The following POLR3B variants were observed in gnomAD, a reference collection of about 807,000 sequenced individuals.
POLR3B encodes DNA-directed RNA polymerase III subunit RPC2.
A neutral mutation model predicts 147.4 loss-of-function variants in POLR3B; 96 were observed. That is an observed-to-expected ratio of 0.65 (90% confidence interval 0.55 to 0.77). POLR3B has a LOEUF of 0.77. POLR3B is among the 30% of genes least tolerant of loss of function. The pLI, the probability that POLR3B is intolerant of heterozygous loss-of-function variation, is 0.00. For missense variants in POLR3B, 1,036 were observed against 1,413.5 expected, an observed-to-expected ratio of 0.73 and a Z score of 4.28; for synonymous variants, 461 against 485.9, an observed-to-expected ratio of 0.95 and a Z score of 0.67.
At chr12:106,446,173 A>T (rs2037720204) in intron 19 of POLR3B, 2 of 454,028 alleles carry the variant, frequency 4.4e-6, no homozygotes, top group South Asian at 3.1e-5. Flanking sequence ...TATCACTTCT[A>T]TTGGGTTTAC....
chr12:106,366,234 A>T (rs925047025), intron 2 of POLR3B, among the ~76,000 whole-genome samples: 2 of 152,346 alleles, frequency 1.3e-5, no homozygotes, highest in South Asian at 4.1e-4. Flanking sequence ...ACATGACCAT[A>T]TATTCATGTA....
At chr12:106,398,226 C>T (rs191307242) in intron 10 of POLR3B, among the ~76,000 whole-genome samples, 45 of 152,344 alleles carry the variant, frequency 3.0e-4, no homozygotes, top group African/African-American at 9.4e-4. Flanking sequence ...CACGGAGTCT[C>T]GCTCATTGCT....
At chr12:106,380,865 G>C (rs1451302643) in intron 9 of POLR3B, among the ~76,000 whole-genome samples, 1 of 152,206 alleles carries the variant, frequency 6.6e-6, no homozygotes, top group Non-Finnish European at 1.5e-5. Flanking sequence ...ATACTTCGGA[G>C]ATATTGCTGG....
rs1186338529 is a variant in POLR3B at position 106,369,258 on chromosome 12, A to G, written c.228-17A>G. 5 of 1,393,640 alleles carry G rather than the reference A, an allele frequency of 3.6e-6. No individual in the cohort carries two copies. The highest frequency in any genetic ancestry group is 5.1e-6 in the Non-Finnish European group (5 of 979,192). The allele number at this position is 1,393,640 out of a possible 1,614,324, so 86.3% of individuals were successfully genotyped here. On this transcript the variant is annotated splice_polypyrimidine_tract_variant and intron_variant, in intron 4 of 27. Coordinates refer to ENST00000228347, the MANE Select transcript of POLR3B (RefSeq NM_018082.6). ...TTCGAAGAAGTATAATTCATACCGC[A>G]CTAATTTGCTTTTCAGATATCTTAA... is the stretch of plus-strand genomic sequence containing the variant.
intron 21 of POLR3B, 54 bp downstream of exon 21, chr12:106,457,350 T>C: frequency 7.0e-7 from 1 of 1,430,750 alleles, no homozygotes; most frequent in Non-Finnish European, 9.8e-7. Flanking sequence ...CATATGTTAT[T>C]CAATAATATT....
intron 9 of POLR3B, among the ~76,000 whole-genome samples, chr12:106,383,919 G>A (rs1435997542): frequency 3.3e-5 from 5 of 151,426 alleles, no homozygotes; most frequent in African/African-American, 1.2e-4. Context: ...TGGAGGTTGC[G>A]GTGAGCCGAG....
In POLR3B at chr12:106,411,742, A is replaced by G. The variant is rs148514022; in HGVS notation, c.1101+782A>G. ...ACATGGTAGAGGTAGGTTAGTGAGG[A>G]TATCTCTAATCTCATTTTAAGTCTT... is the stretch of plus-strand genomic sequence containing the variant. On this transcript the variant is annotated intron_variant, in intron 12 of 27. Transcript: ENST00000228347. Among the ~76,000 whole-genome samples, 179 of 152,282 alleles carry G rather than the reference A, an allele frequency of 1.2e-3. 1 individual carries two copies. The highest frequency in any genetic ancestry group is 6.8e-3 in the Middle Eastern group (2 of 294).
chr12:106,413,789 A>C (rs1451399029), intron 12 of POLR3B, among the ~76,000 whole-genome samples: 1 of 150,960 alleles, frequency 6.6e-6, no homozygotes, highest in Non-Finnish European at 1.5e-5. Context: ...TTTTTCTATT[A>C]TCTTTGTTCC....
At chr12:106,433,607 G>A (rs2037537839) in intron 15 of POLR3B, 112 bp from the exon 16 acceptor site, 1 of 816,634 alleles carries the variant, frequency 1.2e-6, no homozygotes, top group Non-Finnish European at 1.9e-6. Context: ...GTTAATAATG[G>A]TATTTTCAAA....
At chr12:106,474,571 A>ACTT (rs2038137752) in intron 23 of POLR3B, among the ~76,000 whole-genome samples, 1 of 145,770 alleles carries the variant, frequency 6.9e-6, no homozygotes, top group Admixed American at 6.9e-5. Context: ...CAGAGATTCA[A>ACTT]CTTCTTCCTG....
At chr12:106,480,023 T>A (rs1037541864) in intron 23 of POLR3B, among the ~76,000 whole-genome samples, 20 of 151,016 alleles carry the variant, frequency 1.3e-4, no homozygotes, top group Non-Finnish European at 2.5e-4. Flanking sequence ...CTTTTTTTAT[T>A]ATTATTATTT....
Position 106,469,663 on chromosome 12 carries a change from A to G in POLR3B, c.2713+6043A>G, listed in dbSNP as rs183214783. Reference sequence around the variant, plus strand: ...AGGCCTGGTGGTGACAAAATGTCTCAGCATTTGTTTGTCTGTAAAGGATTT... The same window carrying G: ...AGGCCTGGTGGTGACAAAATGTCTCGGCATTTGTTTGTCTGTAAAGGATTT... On this transcript the variant is annotated intron_variant, in intron 23 of 27. Coordinates refer to ENST00000228347, the MANE Select transcript of POLR3B (RefSeq NM_018082.6). Among the ~76,000 whole-genome samples the G allele has an allele frequency of 2.6e-5, 4 of 152,270 alleles. No homozygotes were observed. The East Asian group carries it at 7.7e-4, about 29-fold the overall frequency.
chr12:106,407,642 C>A (rs751306116), intron 11 of POLR3B, among the ~76,000 whole-genome samples: 3 of 152,024 alleles, frequency 2.0e-5, no homozygotes, highest in African/African-American at 4.8e-5. Flanking sequence ...CCAGCCTGAC[C>A]AATATGGAGA....
rs2038661517 is a variant in POLR3B, at chr12:106,504,873, C to T, written c.3272+619C>T. ...GCTAAGTGTCAGACACTGTTCTAGG[C>T]CCTAGAAATGCAGCAGTGAACAAGA... On this transcript the variant is annotated intron_variant, in intron 27 of 27. Transcript: ENST00000228347. This position sits in a 1 kb window ranked among gnomAD's most constrained non-coding sequence, Gnocchi z 4.6. Among the ~76,000 whole-genome samples the T allele has an allele frequency of 1.3e-5, 2 of 152,172 alleles. No individual in the cohort carries two copies. Among genetic ancestry groups the T allele is most frequent in the African/African-American group, 2.4e-5 (1 of 41,438 alleles).
Position 106,509,518 on chromosome 12 carries a change from C to A in POLR3B, c.3371C>A (p.Pro1124His). ...FQELQSMNII[P>H]RLKLSKYNE ...GAACTACAGTCTATGAACATCATCC[C>A]CAGGTTAAAACTGTCCAAGTACAAT... Residue 1124 changes from proline (P) to histidine (H), a missense_variant, in exon 28 of 28, where the codon CCC (proline) becomes CAC (histidine). Coordinates refer to ENST00000228347, the MANE Select transcript of POLR3B (RefSeq NM_018082.6). 1 of 1,613,042 alleles carries A rather than the reference C, an allele frequency of 6.2e-7. No individual in the cohort carries two copies. Among genetic ancestry groups the A allele is most frequent in the Non-Finnish European group, 8.5e-7 (1 of 1,179,126 alleles).
chr12:106,416,575 G>T (rs1307109118), intron 12 of POLR3B, among the ~76,000 whole-genome samples: 1 of 152,170 alleles, frequency 6.6e-6, no homozygotes, highest in Non-Finnish European at 1.5e-5. Flanking sequence ...GCAGACCTGA[G>T]CTTCAGATGT....
chr12:106,413,747 G>T (rs1229961387), intron 12 of POLR3B, among the ~76,000 whole-genome samples: 3 of 151,810 alleles, frequency 2.0e-5, no homozygotes, highest in Non-Finnish European at 4.4e-5. Flanking sequence ...ATCTCTTCAA[G>T]TGTTGCCTAT....
chr12:106,401,633 C>A (rs113672292), intron 10 of POLR3B, among the ~76,000 whole-genome samples: 1 of 152,170 alleles, frequency 6.6e-6, no homozygotes, highest in Non-Finnish European at 1.5e-5. Context: ...TGGACTTCAT[C>A]CCTGGGATGC....
rs552922405 is a variant in POLR3B at position 106,408,903 on chromosome 12, G to C, written c.967-1923G>C. 4.5e-4 allele frequency among the ~76,000 whole-genome samples: 68 copies of C among 152,302 alleles called. 2 individuals are homozygous for C. The highest frequency in any genetic ancestry group is 6.8e-3 in the Middle Eastern group (2 of 294). On this transcript the variant is annotated intron_variant, in intron 11 of 27. Coordinates refer to ENST00000228347, the MANE Select transcript of POLR3B (RefSeq NM_018082.6). Reference sequence around the variant, plus strand: ...CTTTCCAGCATATAGTCATTAAAAAGGGGAGTGAAATGAGTTAGAGTTCAA... The same window carrying C: ...CTTTCCAGCATATAGTCATTAAAAACGGGAGTGAAATGAGTTAGAGTTCAA...
Sources: allele counts gnomAD v4.1 joint callset (sites outside exome capture counted in the v4.1 genomes callset), GRCh38; gene constraint gnomAD v4.1.1; non-coding constraint Gnocchi (gnomAD v3.1); transcripts MANE v1.5; gene names NCBI Gene and HGNC (gene_info 2026-07-23, HGNC 2026-07-21).